The following CDHR2 variants were observed in gnomAD, a reference collection of about 807,000 sequenced individuals.
CDHR2 encodes cadherin-related family member 2.
A neutral mutation model predicts 138.6 loss-of-function variants in CDHR2; 104 were observed. The ratio of observed to expected loss-of-function variants is 0.75; its 90% CI spans 0.64 to 0.88. CDHR2 has a LOEUF of 0.88. Ranked by LOEUF, CDHR2 falls within the 40% of genes least tolerant of loss-of-function variation. The pLI, the probability that CDHR2 is intolerant of heterozygous loss-of-function variation, is 0.00. For missense variants in CDHR2, 1,624 were observed against 1,727.6 expected (o/e 0.94, Z 1.06); for synonymous variants, 755 against 742.8 (o/e 1.02, Z -0.27).
rs1561874510 is a variant in CDHR2 at position 176,576,160 on chromosome 5, C to T, written c.1169C>T (p.Thr390Ile). 1 of 1,613,388 alleles carries T rather than the reference C, an allele frequency of 6.2e-7. No individual in the cohort carries two copies. Among genetic ancestry groups the T allele is most frequent in the Non-Finnish European group, 8.5e-7 (1 of 1,179,956 alleles). The change falls in exon 12 of 32, where the codon ACC becomes ATC. Residue 390 changes from threonine to isoleucine, a missense_variant. Physicochemically the swap from Thr to Ile is moderately conservative, Grantham distance 89. Around this residue, in one of 3 missense-constraint regions of CDHR2, gnomAD observed 1,061 missense variants for 1,136.6 expected, o/e 0.93. Coordinates refer to ENST00000261944, the MANE Select transcript of CDHR2 (RefSeq NM_017675.6). The surrounding 1 kb of genome is among the most constrained non-coding windows in gnomAD (Gnocchi z 4.5). ...ASPRIPIDDLTMVVYDPDKGS... is the reference protein window; with the variant it reads ...ASPRIPIDDLIMVVYDPDKGS... The stretch of plus-strand genomic sequence containing the variant: ...CCCCGCATCCCCATCGATGACCTCA[C>T]CATGGTGGTCTACGACCCGGACAAG...
chr5:176,570,065 C>T (rs551812611), intron 5 of CDHR2, among the ~76,000 whole-genome samples: 105 of 152,266 alleles, frequency 6.9e-4, no homozygotes, highest in African/African-American at 2.4e-3. Flanking sequence ...CACTTCTCAG[C>T]GCTGAGGTAC....
At chr5:176,549,128 G>A (rs760041774), upstream of CDHR2, among the ~76,000 whole-genome samples, 6 of 152,120 alleles carry the variant, frequency 3.9e-5, no homozygotes, top group Non-Finnish European at 7.4e-5. Flanking sequence ...GCTCAGGGTC[G>A]GCCAGGCCCC....
At chr5:176,550,955 A>G (rs1415058688) in intron 1 of CDHR2, among the ~76,000 whole-genome samples, 1 of 152,088 alleles carries the variant, frequency 6.6e-6, no homozygotes, top group African/African-American at 2.4e-5. Context: ...TACACATCTC[A>G]TGGCGTGGGG....
At chr5:176,573,178 G>C (rs1404154483) in intron 6 of CDHR2, among the ~76,000 whole-genome samples, 1 of 152,100 alleles carries the variant, frequency 6.6e-6, no homozygotes, top group Admixed American at 6.5e-5. Context: ...TGTGGCTGGA[G>C]GGGGAGGGTG....
At chr5:176,544,261 C>T (rs906229064) in intron 1 of CDHR2, among the ~76,000 whole-genome samples, 2 of 152,190 alleles carry the variant, frequency 1.3e-5, no homozygotes, top group Admixed American at 6.5e-5. Flanking sequence ...GGAATGAGTG[C>T]CCTGGAAGGA....
intron 1 of CDHR2, among the ~76,000 whole-genome samples, chr5:176,551,666 G>T (rs943245950): frequency 2.0e-5 from 3 of 148,562 alleles, no homozygotes; most frequent in African/African-American, 7.5e-5. Flanking sequence ...TATTGGTATT[G>T]GCCTGGACTG....
chr5:176,589,568 TCTC>T lies in CDHR2; in HGVS notation c.3160_3162del (p.Ser1054del), dbSNP rs779885466. On this transcript the variant is annotated inframe_deletion, in exon 24 of 32. Transcript: ENST00000261944. ...CAGAGTTACCGCTCGCGGCTGCAGT[TCTC>T]CACACCGAAGGAGGAGGTGGGCGCC... 1 of 1,614,000 alleles carries T rather than the reference TCTC, an allele frequency of 6.2e-7. No homozygotes were observed. The highest frequency in any genetic ancestry group is 1.1e-5 in the South Asian group (1 of 91,076).
intron 6 of CDHR2, 139 bp from the exon 7 acceptor site, chr5:176,573,944 G>T: frequency 1.6e-6 from 1 of 638,730 alleles, no homozygotes; most frequent in Non-Finnish European, 2.7e-6. Flanking sequence ...CCTTCCACCC[G>T]CAGCCCTGGT....
At chr5:176,575,027 G>A (rs1758331624) in intron 7 of CDHR2, 57 bp from the exon 8 acceptor site, 1 of 1,601,742 alleles carries the variant, frequency 6.2e-7, no homozygotes, top group South Asian at 1.1e-5. Context: ...GCTCAGAGTG[G>A]GGTCCTCGGT....
At chr5:176,569,082 C>A in intron 5 of CDHR2, 72 bp downstream of exon 5, 1 of 1,436,068 alleles carries the variant, frequency 7.0e-7, no homozygotes, top group Non-Finnish European at 9.7e-7. Flanking sequence ...CCACCTCCGG[C>A]AAGCGGACGG....
chr5:176,577,350 GT>G, intron 12 of CDHR2, 48 bp from the exon 13 acceptor site: 2 of 1,563,878 alleles, frequency 1.3e-6, no homozygotes, highest in Non-Finnish European at 1.7e-6. Flanking sequence ...GAAGATGCAG[GT>G]GGGCAGAGCA....
chr5:176,571,037 C>CAAAAAAAA (rs535234193), intron 5 of CDHR2, among the ~76,000 whole-genome samples, 176 bp from the exon 6 acceptor site: 35 of 53,242 alleles, frequency 6.6e-4, no homozygotes, highest in Non-Finnish European at 8.4e-4. Context: ...CTGGTCTCTA[C>CAAAAAAAA]AAAAAAAAAA....
At chr5:176,583,038 A>C (rs1227143854) in intron 17 of CDHR2, among the ~76,000 whole-genome samples, 2 of 152,232 alleles carry the variant, frequency 1.3e-5, no homozygotes, top group Non-Finnish European at 2.9e-5. Context: ...CCATTTTCAC[A>C]CAAGGGTCAG....
At position 176,576,159 on chromosome 5, in the gene CDHR2, A is replaced by G; in HGVS notation, c.1168A>G (p.Thr390Ala). Residue 390 changes from threonine to alanine, a missense_variant, in exon 12 of 32, where the codon ACC becomes GCC. Physicochemically the swap from Thr to Ala is moderately conservative, Grantham distance 58. Coordinates refer to ENST00000261944, the MANE Select transcript of CDHR2 (RefSeq NM_017675.6). This position sits in a 1 kb window ranked among gnomAD's most constrained non-coding sequence, Gnocchi z 4.5. ...ASPRIPIDDLTMVVYDPDKGS... is the reference protein window; with the variant it reads ...ASPRIPIDDLAMVVYDPDKGS... The stretch of plus-strand genomic sequence containing the variant: ...CCCCCGCATCCCCATCGATGACCTC[A>G]CCATGGTGGTCTACGACCCGGACAA... 6.3e-7 allele frequency: 1 copy of G among 1,596,676 alleles called. No homozygotes were observed. Among genetic ancestry groups the G allele is most frequent in the Non-Finnish European group, 8.5e-7 (1 of 1,170,586 alleles).
rs907107144 is a variant in CDHR2, at chr5:176,553,681, G to C, written c.-16+4267G>C. Reference sequence around the variant, plus strand: ...CACAATGGACACCTGCAGTCTAGCAGTACCGCTAATGCCCAGCTCACCTGC... The same window carrying C: ...CACAATGGACACCTGCAGTCTAGCACTACCGCTAATGCCCAGCTCACCTGC... On this transcript the variant is annotated intron_variant, in intron 1 of 31. Transcript: ENST00000261944. This position sits in a 1 kb window ranked among gnomAD's most constrained non-coding sequence, Gnocchi z 4.3. Among the ~76,000 whole-genome samples the C allele has an allele frequency of 6.6e-6, 1 of 152,074 alleles. No individual in the cohort carries two copies.
rs1346356926 is a variant in CDHR2 at position 176,574,845 on chromosome 5, G to A, written c.496-239G>A. On this transcript the variant is annotated intron_variant, in intron 7 of 31. Coordinates refer to ENST00000261944, the MANE Select transcript of CDHR2 (RefSeq NM_017675.6). ...TGTGCTGGTCAAATCTGTGGATGTG[G>A]AAGCCACAGAGATGGAGGGCCGACT... is the stretch of plus-strand genomic sequence containing the variant. Among the ~76,000 whole-genome samples, 122 of 152,316 alleles carry A rather than the reference G, an allele frequency of 8.0e-4. 1 individual carries two copies. Among genetic ancestry groups the A allele is most frequent in the East Asian group, 1.9e-4 (1 of 5,192 alleles).
rs1286110404 is a variant in CDHR2, at chr5:176,576,493, G to A, written c.1194+308G>A. 6.6e-6 allele frequency among the ~76,000 whole-genome samples: 1 copy of A among 152,022 alleles called. No individual in the cohort carries two copies. The highest frequency in any genetic ancestry group is 6.5e-5 in the Admixed American group (1 of 15,270). The stretch of plus-strand genomic sequence containing the variant: ...CTGGCGAGGTCTCCTGGCATTGGGC[G>A]GCCATGATTTGGGTAGTCCTGGGAA... On this transcript the variant is annotated intron_variant, in intron 12 of 31. Coordinates refer to ENST00000261944, the MANE Select transcript of CDHR2 (RefSeq NM_017675.6). This position sits in a 1 kb window ranked among gnomAD's most constrained non-coding sequence, Gnocchi z 4.5.
intron 1 of CDHR2, among the ~76,000 whole-genome samples, chr5:176,552,934 C>G (rs1244427210): frequency 6.6e-6 from 1 of 152,170 alleles, no homozygotes; most frequent in African/African-American, 2.4e-5. Context: ...ATGGCTGGGC[C>G]CACATGCAGG....
intron 16 of CDHR2, 53 bp from the exon 17 acceptor site, chr5:176,581,290 C>T: frequency 1.2e-6 from 2 of 1,601,344 alleles, no homozygotes; most frequent in South Asian, 2.2e-5. Flanking sequence ...ATCGGAGGGG[C>T]TGGGGGCTGG....
Sources: allele counts gnomAD v4.1 joint callset (sites outside exome capture counted in the v4.1 genomes callset), GRCh38; gene constraint gnomAD v4.1.1; regional missense constraint gnomAD v4.1.1; non-coding constraint Gnocchi (gnomAD v3.1); transcripts MANE v1.5; gene names NCBI Gene and HGNC (gene_info 2026-07-23, HGNC 2026-07-21).